Variants in USP22 observed in about 807,000 individuals in gnomAD.
USP22 encodes ubiquitin specific peptidase 22.
A neutral mutation model predicts 68.1 loss-of-function variants in USP22; 22 were observed. That is an observed-to-expected ratio of 0.32 (90% CI 0.23 to 0.46). The LOEUF is 0.46. USP22 is among the 20% of genes least tolerant of loss of function. The pLI is 1.00. For synonymous variants in USP22, 279 were observed against 274.2 expected, an observed-to-expected ratio of 1.02 and a Z score of -0.17; for missense variants, 433 against 695.8, an observed-to-expected ratio of 0.62 and a Z score of 4.25.
intron 8 of USP22, among the ~76,000 whole-genome samples, chr17:21,008,928 C>G (rs1407702729): frequency 4.6e-5 from 7 of 151,788 alleles, no homozygotes; most frequent in Admixed American, 4.6e-4. Context: ...TCCGTCTGTA[C>G]TAAAAATACA....
rs1179397510 is a variant in USP22 at position 21,018,115 on chromosome 17, G to T, written c.521-4C>A. On this transcript the variant is annotated splice_region_variant and splice_polypyrimidine_tract_variant and intron_variant, in intron 4 of 12. Transcript: ENST00000261497. ...AGGTTGATCAGCCCACGCAGACCTGGACACAAATCACCAGAGAGCAGGAGT... is the reference window on the plus strand; with the variant it reads ...AGGTTGATCAGCCCACGCAGACCTGTACACAAATCACCAGAGAGCAGGAGT... The T allele has an allele frequency of 1.3e-6, 2 of 1,578,356 alleles. No homozygotes were observed. The highest frequency in any genetic ancestry group is 1.7e-6 in the Non-Finnish European group (2 of 1,161,544).
At chr17:21,021,960 C>T (rs952644076) in intron 2 of USP22, among the ~76,000 whole-genome samples, 4 of 152,062 alleles carry the variant, frequency 2.6e-5, no homozygotes, top group Non-Finnish European at 5.9e-5. Flanking sequence ...ATTAGCCAGG[C>T]ATGGTGGCAC....
intron 7 of USP22, 88 bp from the exon 8 acceptor site, chr17:21,011,397 C>T (rs1913966502): frequency 6.7e-7 from 1 of 1,490,762 alleles, no homozygotes; most frequent in Admixed American, 2.0e-5. Flanking sequence ...TCCCACATCC[C>T]TTCCCCGCTG....
intron 3 of USP22, among the ~76,000 whole-genome samples, chr17:21,020,668 T>C (rs1438670465): frequency 6.6e-6 from 1 of 152,256 alleles, no homozygotes; most frequent in African/African-American, 2.4e-5. Flanking sequence ...ATAACATTAC[T>C]GCAAAGAGAT....
rs1362790009 is a variant in USP22, at chr17:21,001,664, A to C, written c.*1367T>G. On this transcript the variant is annotated 3_prime_UTR_variant, in exon 13 of 13. Transcript: ENST00000261497. ...TGATCCTGTTCCTGCAGGACTGAAG[A>C]AGCCTCAGTTCAGATGCTGCTGGGG... 6.6e-6 allele frequency: 1 copy of C among 152,184 alleles called. No individual in the cohort carries two copies. Among genetic ancestry groups the C allele is most frequent in the East Asian group, 1.9e-4 (1 of 5,192 alleles). The allele number at this position is 152,184 out of a possible 1,614,324, so 9.4% of individuals were successfully genotyped here. A position where few individuals can be genotyped will look rare whatever the true frequency, so the allele number is the denominator to read the frequency against.
chr17:21,022,096 T>A (rs879784005), intron 2 of USP22, among the ~76,000 whole-genome samples: 1 of 151,898 alleles, frequency 6.6e-6, no homozygotes, highest in Non-Finnish European at 1.5e-5. Flanking sequence ...TGAGACTCTG[T>A]CTCAAAAAAT....
chr17:21,002,662 AGGTAG>A lies in USP22; in HGVS notation c.*364_*368del. ...TTTCATGGACCCATAATCTTACAGC[AGGTAG>A]GGGCCTTTCCACACCGAGTGCTGGG... On this transcript the variant is annotated 3_prime_UTR_variant, in exon 13 of 13. Coordinates refer to ENST00000261497, the MANE Select transcript of USP22 (RefSeq NM_015276.2). The A allele has an allele frequency of 3.4e-6, 1 of 292,686 alleles. No individual in the cohort carries two copies. Among genetic ancestry groups the A allele is most frequent in the Admixed American group, 4.5e-5 (1 of 22,176 alleles). The allele number at this position is 292,686 out of a possible 1,614,324, so 18.1% of individuals were successfully genotyped here.
Position 21,043,002 on chromosome 17 carries a change from A to T in USP22, c.-167T>A. On this transcript the variant is annotated 5_prime_UTR_variant, in exon 1 of 13. Transcript: ENST00000261497. ...ATGGGGCTGCGCGATCGCCGAGGGGAGGCTGCAAGGCAGGCACCGCCCCCG... is the reference window on the plus strand; with the variant it reads ...ATGGGGCTGCGCGATCGCCGAGGGGTGGCTGCAAGGCAGGCACCGCCCCCG... 1 of 339,678 alleles carries T rather than the reference A, an allele frequency of 2.9e-6. No individual in the cohort carries two copies. The highest frequency in any genetic ancestry group is 5.1e-6 in the Non-Finnish European group (1 of 195,304). 21.0% of individuals were successfully genotyped at this position (339,678 alleles called of 1,614,324 possible).
At chr17:21,038,417 G>A (rs1270359453) in intron 1 of USP22, among the ~76,000 whole-genome samples, 1 of 151,250 alleles carries the variant, frequency 6.6e-6, no homozygotes, top group Non-Finnish European at 1.5e-5. Context: ...TGCCTGTAAT[G>A]CCAGCACTTT....
At chr17:21,027,993 A>G (rs539279995) in intron 2 of USP22, among the ~76,000 whole-genome samples, 1 of 152,278 alleles carries the variant, frequency 6.6e-6, no homozygotes, top group East Asian at 1.9e-4. Flanking sequence ...CCAAGAGCAA[A>G]ACTGAGTTTT....
chr17:21,006,876 G>A lies in USP22; in HGVS notation c.1322+20C>T, dbSNP rs754331771. 18 of 1,575,000 alleles carry A rather than the reference G, an allele frequency of 1.1e-5. No individual in the cohort carries two copies. Among genetic ancestry groups the A allele is most frequent in the East Asian group, 4.6e-5 (2 of 43,382 alleles). ...ATCACAGCCCCTCAGGACACAGAACGGGCCTACAACCCCACATACCTGGAG... is the reference window on the plus strand; with the variant it reads ...ATCACAGCCCCTCAGGACACAGAACAGGCCTACAACCCCACATACCTGGAG... On this transcript the variant is annotated intron_variant, in intron 10 of 12. Transcript: ENST00000261497.
chr17:21,016,780 T>C (rs1455353898), intron 5 of USP22, among the ~76,000 whole-genome samples: 3 of 151,938 alleles, frequency 2.0e-5, no homozygotes, highest in Admixed American at 6.6e-5. Flanking sequence ...GGACTGGGGG[T>C]TGACTTCGGA....
In USP22 at chr17:21,040,008, G is replaced by A. The variant is rs573469131; in HGVS notation, c.171+2657C>T. On this transcript the variant is annotated intron_variant, in intron 1 of 12. Transcript: ENST00000261497. Reference sequence around the variant, plus strand: ...GAGTCCAGGAGTTCAAGACCAGCCTGTGCAATATAGTGAGACACTGTCTCT... The same window carrying A: ...GAGTCCAGGAGTTCAAGACCAGCCTATGCAATATAGTGAGACACTGTCTCT... Among the ~76,000 whole-genome samples the A allele has an allele frequency of 2.2e-3, 342 of 152,228 alleles. 1 individual carries two copies. Among genetic ancestry groups the A allele is most frequent in the Middle Eastern group, 0.014 (4 of 292 alleles).
intron 6 of USP22, among the ~76,000 whole-genome samples, chr17:21,014,077 A>G (rs1053239889): frequency 6.6e-6 from 1 of 152,160 alleles, no homozygotes; most frequent in Non-Finnish European, 1.5e-5. Context: ...TGACTCAAAA[A>G]CAAAACAAAA....
chr17:21,016,807 C>T (rs1273020674), intron 5 of USP22, among the ~76,000 whole-genome samples: 2 of 152,140 alleles, frequency 1.3e-5, no homozygotes, highest in African/African-American at 4.8e-5. Flanking sequence ...CGAGGGAGTT[C>T]GGAGAGGTAA....
chr17:21,023,692 G>T (rs9913770), intron 2 of USP22, among the ~76,000 whole-genome samples: 1 of 149,562 alleles, frequency 6.7e-6, no homozygotes. Flanking sequence ...TTAAATCCAC[G>T]TGATGTCAGA....
chr17:21,009,039 C>G (rs147826098), intron 8 of USP22, among the ~76,000 whole-genome samples: 2,512 of 137,174 alleles, frequency 0.018, 55 homozygotes, highest in African/African-American at 0.064. Context: ...TGCAGTGAGC[C>G]GAGATTGTGC....
intron 1 of USP22, among the ~76,000 whole-genome samples, chr17:21,036,134 T>C (rs1972353149): frequency 6.6e-6 from 1 of 150,728 alleles, no homozygotes; most frequent in Admixed American, 6.6e-5. Context: ...GGCTACAGAC[T>C]GTATGAACCC....
At chr17:21,012,993 G>C in intron 6 of USP22, 58 bp from the exon 7 acceptor site, 1 of 1,548,538 alleles carries the variant, frequency 6.5e-7, no homozygotes, top group Non-Finnish European at 8.9e-7. Context: ...GAGTCTCTAA[G>C]GGAAGAGCAG....
Sources: allele counts gnomAD v4.1 joint callset (sites outside exome capture counted in the v4.1 genomes callset), GRCh38; gene constraint gnomAD v4.1.1; transcripts MANE v1.5; gene names NCBI Gene and HGNC (gene_info 2026-07-23, HGNC 2026-07-21).